RIMS2: variants seen among roughly 807,000 people sequenced by gnomAD.
The protein encoded by RIMS2 is regulating synaptic membrane exocytosis protein 2.
RIMS2 carries 59 observed loss-of-function variants against 174.4 expected under a neutral mutation model. The ratio of observed to expected loss-of-function variants is 0.34; its 90% CI spans 0.27 to 0.42. The LOEUF (loss-of-function observed/expected upper bound fraction) is 0.42. Among genes scored for constraint, RIMS2 ranks in the 10% least tolerant of loss-of-function variants. The pLI, the probability that RIMS2 is intolerant of heterozygous loss-of-function variation, is 1.00. For synonymous variants in RIMS2, 606 were observed against 572.5 expected, an observed-to-expected ratio of 1.06 and a Z score of -0.84; for missense variants, 1,620 against 1,666.3, an observed-to-expected ratio of 0.97 and a Z score of 0.48.
intron 19 of RIMS2, among the ~76,000 whole-genome samples, chr8:104,058,362 G>A (rs963273608): frequency 1.3e-5 from 2 of 148,186 alleles, no homozygotes; most frequent in Non-Finnish European, 1.5e-5. Context: ...CTGCATAAAT[G>A]TCTTCTTTTG....
intron 1 of RIMS2, among the ~76,000 whole-genome samples, chr8:103,671,006 A>G (rs2096737521): frequency 6.6e-6 from 1 of 152,148 alleles, no homozygotes; most frequent in African/African-American, 2.4e-5. Flanking sequence ...TAATTTATGA[A>G]GGAAAGAGGT....
intron 17 of RIMS2, among the ~76,000 whole-genome samples, chr8:104,006,095 T>A (rs2095565258): frequency 6.6e-6 from 1 of 152,168 alleles, no homozygotes; most frequent in Non-Finnish European, 1.5e-5. Context: ...ACAACTGTTT[T>A]GTTCTCCATC....
At chr8:103,698,521 T>A (rs2097132759) in intron 2 of RIMS2, among the ~76,000 whole-genome samples, 2 of 152,302 alleles carry the variant, frequency 1.3e-5, no homozygotes, top group African/African-American at 4.8e-5. Flanking sequence ...TTATTTTGTT[T>A]TTTAATGTGG....
At chr8:103,793,787 A>G (rs2098524278) in intron 3 of RIMS2, among the ~76,000 whole-genome samples, 2 of 152,324 alleles carry the variant, frequency 1.3e-5, no homozygotes, top group South Asian at 4.1e-4. Flanking sequence ...ATACACCAAT[A>G]ACAGACAAAC....
At chr8:103,959,426 TA>T (rs1210362009) in intron 14 of RIMS2, among the ~76,000 whole-genome samples, 10 of 151,444 alleles carry the variant, frequency 6.6e-5, no homozygotes, top group African/African-American at 9.8e-5. Flanking sequence ...CCTAAAAAAG[TA>T]ATTTTTTTTT....
intron 2 of RIMS2, among the ~76,000 whole-genome samples, chr8:103,758,784 A>G (rs17808942): frequency 0.23 from 34,945 of 152,192 alleles, 4,304 homozygotes; most frequent in Non-Finnish European, 0.25. Flanking sequence ...GTTTAGATTT[A>G]TATCATGGCA....
intron 19 of RIMS2, among the ~76,000 whole-genome samples, chr8:104,169,743 C>T (rs191976255): frequency 1.3e-5 from 2 of 151,990 alleles, no homozygotes; most frequent in Admixed American, 1.3e-4. Flanking sequence ...TCTTGTTTCT[C>T]TAGTTCCTTG....
intron 19 of RIMS2, among the ~76,000 whole-genome samples, chr8:104,060,158 C>T (rs1169248600): frequency 1.3e-5 from 2 of 151,828 alleles, no homozygotes; most frequent in East Asian, 3.9e-4. Flanking sequence ...TCAGTTCCTC[C>T]TTGTACCTCT....
intron 17 of RIMS2, among the ~76,000 whole-genome samples, chr8:104,008,788 T>G (rs1309722936): frequency 6.6e-6 from 1 of 152,056 alleles, no homozygotes; most frequent in African/African-American, 2.4e-5. Context: ...TGGCTGACTC[T>G]AAATATTGTT....
intron 19 of RIMS2, among the ~76,000 whole-genome samples, chr8:104,192,425 AC>A (rs2099002657): frequency 6.6e-6 from 1 of 152,152 alleles, no homozygotes; most frequent in Admixed American, 6.6e-5. Context: ...CAATTCTTAT[AC>A]TTTAAATTTC....
intron 19 of RIMS2, among the ~76,000 whole-genome samples, chr8:104,048,588 G>A (rs79969244): frequency 0.027 from 4,067 of 152,142 alleles, 201 homozygotes; most frequent in African/African-American, 0.094. Flanking sequence ...ACATATGTAT[G>A]ATATGTTCAC....
intron 12 of RIMS2, among the ~76,000 whole-genome samples, chr8:103,932,126 A>C (rs1460135394): frequency 1.3e-5 from 2 of 152,204 alleles, no homozygotes; most frequent in African/African-American, 4.8e-5. Flanking sequence ...AATACCAGTT[A>C]CCTTTCCCCA....
intron 2 of RIMS2, among the ~76,000 whole-genome samples, chr8:103,758,006 G>A (rs1157577334): frequency 2.6e-5 from 4 of 152,102 alleles, no homozygotes; most frequent in African/African-American, 9.7e-5. Flanking sequence ...AGCTGTGAGG[G>A]AATACATTTC....
intron 17 of RIMS2, among the ~76,000 whole-genome samples, chr8:104,004,447 TG>T (rs1565796289): frequency 6.6e-6 from 1 of 152,076 alleles, no homozygotes; most frequent in Non-Finnish European, 1.5e-5. Flanking sequence ...GAAAAATGCC[TG>T]TTGGATATGT....
intron 19 of RIMS2, among the ~76,000 whole-genome samples, chr8:104,117,209 A>G (rs2098292101): frequency 6.6e-6 from 1 of 152,078 alleles, no homozygotes. Flanking sequence ...AAAATTTATC[A>G]CTTTGCATAT....
intron 16 of RIMS2, among the ~76,000 whole-genome samples, chr8:103,979,989 A>ACTAT: frequency 2.0e-5 from 3 of 152,120 alleles, no homozygotes; most frequent in Admixed American, 2.0e-4. Flanking sequence ...CTGGAGTCCT[A>ACTAT]GGTAAACTGG....
intron 2 of RIMS2, among the ~76,000 whole-genome samples, chr8:103,731,515 A>G (rs2097594574): frequency 6.6e-6 from 1 of 152,088 alleles, no homozygotes; most frequent in Non-Finnish European, 1.5e-5. Context: ...GTTCTTTGTT[A>G]TTATCCCTTT....
chr8:103,798,490 CTTATT>C (rs1256456037), intron 3 of RIMS2, among the ~76,000 whole-genome samples: 4 of 152,056 alleles, frequency 2.6e-5, no homozygotes, highest in Non-Finnish European at 1.5e-5. Context: ...TTCTGTCACT[CTTATT>C]TTATTTTGGT....
intron 10 of RIMS2, among the ~76,000 whole-genome samples, chr8:103,923,356 A>G (rs967710681): frequency 2.0e-5 from 3 of 151,796 alleles, no homozygotes; most frequent in Admixed American, 6.6e-5. Context: ...TTAGATTTCT[A>G]TAATAAGTAA....
Sources: gnomAD v4.1 joint callset for allele counts (sites outside exome capture counted in the v4.1 genomes callset) on GRCh38, gnomAD v4.1.1 for gene constraint, MANE v1.5 for transcripts, NCBI Gene and HGNC (gene_info 2026-07-23, HGNC 2026-07-21) for gene names.